PPP4R3A: variants seen among roughly 807,000 people sequenced by gnomAD.
PPP4R3A encodes serine/threonine-protein phosphatase 4 regulatory subunit 3A.
PPP4R3A carries 15 observed loss-of-function variants against 91.7 expected under a neutral mutation model. The observed-to-expected ratio is 0.16, with a 90% CI of 0.11 to 0.25. The LOEUF is 0.25. Ranked by LOEUF, PPP4R3A falls within the 10% of genes least tolerant of loss-of-function variation. The probability of loss-of-function intolerance (pLI) is 1.00; values close to 1 mark genes in which losing one functional copy is unlikely to be tolerated. For missense variants in PPP4R3A, 623 were observed against 998.4 expected (o/e 0.62, Z 5.07); for synonymous variants, 377 against 348.7 (o/e 1.08, Z -0.91).
chr14:91,468,399 G>A (rs886450186), intron 10 of PPP4R3A, among the ~76,000 whole-genome samples: 5 of 152,026 alleles, frequency 3.3e-5, no homozygotes, highest in East Asian at 1.9e-4. Context: ...TAGGCTGGGC[G>A]CCATGGCTCA....
chr14:91,510,077 G>A lies in PPP4R3A; in HGVS notation c.-430C>T. On this transcript the variant is annotated 5_prime_UTR_variant, in exon 1 of 15. Coordinates refer to ENST00000554943, the MANE Select transcript of PPP4R3A (RefSeq NM_001366432.2). ...CGCCATATTTTCCTTCCTTATACCTGGCCCTGCCACCGCGGCCAGTGGCTC... is the reference window on the plus strand; with the variant it reads ...CGCCATATTTTCCTTCCTTATACCTAGCCCTGCCACCGCGGCCAGTGGCTC... The A allele has an allele frequency of 2.5e-6, 1 of 404,388 alleles. No homozygotes were observed. Among genetic ancestry groups the A allele is most frequent in the Non-Finnish European group, 3.4e-6 (1 of 297,726 alleles). 25.0% of individuals were successfully genotyped at this position (404,388 alleles called of 1,614,324 possible).
At chr14:91,474,836 G>C (rs934915256) in intron 7 of PPP4R3A, 1 of 152,056 alleles carries the variant, frequency 6.6e-6, no homozygotes, top group African/African-American at 2.4e-5. Context: ...TGTTGCTGAG[G>C]CCGATGTTAA....
intron 1 of PPP4R3A, among the ~76,000 whole-genome samples, chr14:91,495,286 CAT>C (rs1475906574): frequency 1.3e-5 from 1 of 79,300 alleles, no homozygotes; most frequent in African/African-American, 4.9e-5. Flanking sequence ...TAAAATACCA[CAT>C]GTCCAGATAC....
chr14:91,479,293 CGT>C (rs3029507), intron 4 of PPP4R3A, among the ~76,000 whole-genome samples: 4,408 of 144,124 alleles, frequency 0.031, 93 homozygotes, highest in South Asian at 0.064. Context: ...TAAAAAACAA[CGT>C]GTGTGTGTGT....
At chr14:91,480,862 C>A (rs1889512641) in intron 4 of PPP4R3A, among the ~76,000 whole-genome samples, 1 of 152,066 alleles carries the variant, frequency 6.6e-6, no homozygotes, top group Non-Finnish European at 1.5e-5. Flanking sequence ...AAAGTGAGAT[C>A]CATTCTTTAC....
At chr14:91,478,952 A>G (rs1889371521) in intron 4 of PPP4R3A, among the ~76,000 whole-genome samples, 1 of 152,218 alleles carries the variant, frequency 6.6e-6, no homozygotes, top group Non-Finnish European at 1.5e-5. Context: ...CTTCCAAGTC[A>G]TATTACACTT....
At chr14:91,467,536 A>G (rs1888546583) in intron 10 of PPP4R3A, among the ~76,000 whole-genome samples, 1 of 152,218 alleles carries the variant, frequency 6.6e-6, no homozygotes, top group Non-Finnish European at 1.5e-5. Flanking sequence ...AATTGAATAA[A>G]TGCCTCTATA....
In PPP4R3A at chr14:91,462,883, G is replaced by C; in HGVS notation, c.1831-6C>G. The C allele has an allele frequency of 6.3e-7, 1 of 1,582,308 alleles. No individual in the cohort carries two copies. Among genetic ancestry groups the C allele is most frequent in the Non-Finnish European group, 8.6e-7 (1 of 1,157,786 alleles). On this transcript the variant is annotated splice_polypyrimidine_tract_variant and splice_region_variant and intron_variant, in intron 11 of 14. Transcript: ENST00000554943. ...GTTAATGATTTTATATCTTCCTACA[G>C]AAAAGAATAGTAATGAAAAAATGAT...
intron 14 of PPP4R3A, among the ~76,000 whole-genome samples, chr14:91,460,670 G>A (rs1305185299): frequency 8.6e-6 from 1 of 116,138 alleles, no homozygotes; most frequent in African/African-American, 3.4e-5. Context: ...ATGGAGTCTC[G>A]CTGTTGCAGT....
intron 1 of PPP4R3A, among the ~76,000 whole-genome samples, chr14:91,495,727 G>A (rs1044426393): frequency 6.6e-6 from 1 of 151,990 alleles, no homozygotes; most frequent in Non-Finnish European, 1.5e-5. Flanking sequence ...GTGCAGCCTA[G>A]GCAATATAGT....
chr14:91,507,373 T>TA (rs1566660160), intron 1 of PPP4R3A, among the ~76,000 whole-genome samples: 2 of 73,672 alleles, frequency 2.7e-5, no homozygotes, highest in Admixed American at 3.6e-4. Context: ...TATACTATAA[T>TA]TATATATACT....
chr14:91,492,296 G>A (rs765176126), intron 1 of PPP4R3A, among the ~76,000 whole-genome samples: 1 of 152,108 alleles, frequency 6.6e-6, no homozygotes, highest in African/African-American at 2.4e-5. Context: ...TCTCTCATAC[G>A]GAGCTTTCAT....
chr14:91,475,647 A>C, intron 7 of PPP4R3A, 164 bp downstream of exon 7: 1 of 585,048 alleles, frequency 1.7e-6, no homozygotes, highest in Non-Finnish European at 2.9e-6. Context: ...CTGTAGGACA[A>C]ATTGATAAAC....
chr14:91,465,014 C>G (rs1301093875), intron 11 of PPP4R3A, among the ~76,000 whole-genome samples: 1 of 152,212 alleles, frequency 6.6e-6, no homozygotes, highest in African/African-American at 2.4e-5. Context: ...AGCCTGGTTC[C>G]TAACAGGCTA....
At chr14:91,488,218 A>T (rs375068804) in intron 2 of PPP4R3A, among the ~76,000 whole-genome samples, 1 of 148,592 alleles carries the variant, frequency 6.7e-6, no homozygotes, top group Non-Finnish European at 1.5e-5. Flanking sequence ...AAAAAAAAAA[A>T]TGAAAAATTT....
chr14:91,502,928 T>C (rs944477971), intron 1 of PPP4R3A, among the ~76,000 whole-genome samples: 3 of 152,228 alleles, frequency 2.0e-5, no homozygotes, highest in Non-Finnish European at 4.4e-5. Flanking sequence ...AATATGATTA[T>C]GGCCAAAGAC....
chr14:91,464,339 C>A lies in PPP4R3A; in HGVS notation c.1830+911G>T, dbSNP rs1250508155. On this transcript the variant is annotated intron_variant, in intron 11 of 14. Coordinates refer to ENST00000554943, the MANE Select transcript of PPP4R3A (RefSeq NM_001366432.2). Reference sequence around the variant, plus strand: ...CTGTCCCCACCCCCCTCCCTCACCCCCCAAAAAAAGCATGTTACAGAAAAG... The same window carrying A: ...CTGTCCCCACCCCCCTCCCTCACCCACCAAAAAAAGCATGTTACAGAAAAG... 5.8e-5 allele frequency among the ~76,000 whole-genome samples: 8 copies of A among 137,398 alleles called. No individual in the cohort carries two copies. The South Asian group carries it at 1.1e-3, about 19-fold the overall frequency. The allele number at this position is 137,398 out of a possible 152,430, so 90.1% of individuals were successfully genotyped here. A position where few individuals can be genotyped will look rare whatever the true frequency, so the allele number is the denominator to read the frequency against.
chr14:91,507,358 G>A (rs1478920813), intron 1 of PPP4R3A, among the ~76,000 whole-genome samples: 1 of 99,782 alleles, frequency 1.0e-5, no homozygotes, highest in Non-Finnish European at 1.9e-5. Flanking sequence ...ATACTATATA[G>A]TATATATACT....
At chr14:91,481,445 A>C in intron 4 of PPP4R3A, 131 bp downstream of exon 4, 1 of 950,530 alleles carries the variant, frequency 1.1e-6, no homozygotes. Flanking sequence ...GTATATTATA[A>C]TCTCTTAAAA....
Sources: allele counts gnomAD v4.1 joint callset (sites outside exome capture counted in the v4.1 genomes callset), GRCh38; gene constraint gnomAD v4.1.1; transcripts MANE v1.5; gene names NCBI Gene and HGNC (gene_info 2026-07-23, HGNC 2026-07-21).